Variants in VPS13B observed in about 807,000 individuals in gnomAD.
VPS13B encodes the protein vacuolar protein sorting 13 homolog B, also known as intermembrane lipid transfer protein VPS13B.
Under a neutral mutation model 426.4 loss-of-function variants are expected in VPS13B, and 285 were observed. That is an observed-to-expected ratio of 0.67 (90% CI 0.61 to 0.74). VPS13B has a LOEUF of 0.74. Ranked by LOEUF, VPS13B falls within the 30% of genes least tolerant of loss-of-function variation. The pLI, the probability that VPS13B is intolerant of heterozygous loss-of-function variation, is 0.00. For synonymous variants in VPS13B, 1,676 were observed against 1,676.4 expected (o/e 1.00, Z 0.01); for missense variants, 4,537 against 4,782.6 (o/e 0.95, Z 1.51).
intron 19 of VPS13B, among the ~76,000 whole-genome samples, chr8:99,286,272 C>T (rs1414078391): frequency 6.6e-6 from 1 of 152,120 alleles, no homozygotes; most frequent in Non-Finnish European, 1.5e-5. Flanking sequence ...TATTTCATTT[C>T]TGAATTGCTC....
intron 19 of VPS13B, among the ~76,000 whole-genome samples, chr8:99,276,443 A>G (rs185284043): frequency 6.6e-6 from 1 of 152,248 alleles, no homozygotes; most frequent in East Asian, 1.9e-4. Context: ...GATTTTACCA[A>G]TCTTTTAAGA....
At chr8:99,314,506 C>G (rs1490250729) in intron 19 of VPS13B, among the ~76,000 whole-genome samples, 1 of 152,192 alleles carries the variant, frequency 6.6e-6, no homozygotes, top group Non-Finnish European at 1.5e-5. Flanking sequence ...TTGTCTCATG[C>G]TGAGAGTAGG....
intron 39 of VPS13B, among the ~76,000 whole-genome samples, chr8:99,742,459 T>A (rs1809795345): frequency 6.6e-6 from 1 of 152,170 alleles, no homozygotes; most frequent in Non-Finnish European, 1.5e-5. Context: ...CAGAGGATCC[T>A]CCCTAACTCA....
intron 20 of VPS13B, among the ~76,000 whole-genome samples, chr8:99,385,442 C>T (rs1052315556): frequency 2.6e-5 from 4 of 152,082 alleles, no homozygotes; most frequent in Admixed American, 1.3e-4. Flanking sequence ...AAAAGTTTAA[C>T]AAAAAAGTAC....
intron 3 of VPS13B, among the ~76,000 whole-genome samples, chr8:99,066,649 A>C (rs1844535478): frequency 6.6e-6 from 1 of 152,244 alleles, no homozygotes; most frequent in South Asian, 2.1e-4. Context: ...AAAATAGAGA[A>C]ATGGGATCTA....
intron 17 of VPS13B, among the ~76,000 whole-genome samples, chr8:99,256,808 T>C (rs1184945805): frequency 6.6e-6 from 1 of 152,164 alleles, no homozygotes; most frequent in Non-Finnish European, 1.5e-5. Context: ...AGATAAGTGA[T>C]TTGCAGATAT....
intron 14 of VPS13B, among the ~76,000 whole-genome samples, chr8:99,149,331 T>C (rs1810926282): frequency 6.6e-6 from 1 of 152,230 alleles, no homozygotes; most frequent in South Asian, 2.1e-4. Flanking sequence ...GTTTGTTTGC[T>C]TTTTGAGACA....
At chr8:99,708,849 C>CTATATATA (rs1554916985) in intron 36 of VPS13B, among the ~76,000 whole-genome samples, 63 of 147,344 alleles carry the variant, frequency 4.3e-4, no homozygotes, top group African/African-American at 9.0e-4. Flanking sequence ...CTCTCTCTCT[C>CTATATATA]TATATATATA....
chr8:99,264,591 G>T (rs1234503943), intron 17 of VPS13B, among the ~76,000 whole-genome samples: 2 of 152,056 alleles, frequency 1.3e-5, no homozygotes, highest in Admixed American at 6.5e-5. Flanking sequence ...GAAGTTTGAT[G>T]CCATTCTAAT....
intron 39 of VPS13B, among the ~76,000 whole-genome samples, chr8:99,763,135 CA>C (rs750289763): frequency 0.02 from 733 of 35,766 alleles, no homozygotes; most frequent in Non-Finnish European, 0.027. Flanking sequence ...GACCTTGTCT[CA>C]AAAAAAAAAA....
At chr8:99,157,161 C>A (rs1256422330) in intron 15 of VPS13B, among the ~76,000 whole-genome samples, 1 of 151,914 alleles carries the variant, frequency 6.6e-6, no homozygotes, top group Non-Finnish European at 1.5e-5. Flanking sequence ...TTATTTAATT[C>A]ATGTCAATTT....
chr8:99,349,870 C>T (rs574986582), intron 19 of VPS13B, among the ~76,000 whole-genome samples: 1 of 151,742 alleles, frequency 6.6e-6, no homozygotes, highest in East Asian at 1.9e-4. Flanking sequence ...CACTTGTTTT[C>T]GGTGGAGTGG....
At chr8:99,241,845 T>A (rs187792997) in intron 17 of VPS13B, among the ~76,000 whole-genome samples, 36 of 152,316 alleles carry the variant, frequency 2.4e-4, no homozygotes, top group Admixed American at 1.4e-3. Context: ...AATGAGATAC[T>A]TTATGTCTGT....
intron 2 of VPS13B, among the ~76,000 whole-genome samples, chr8:99,027,250 TTTTA>T (rs1005768084): frequency 6.6e-6 from 1 of 152,182 alleles, no homozygotes; most frequent in African/African-American, 2.4e-5. Context: ...AATTTGGGGT[TTTTA>T]TTTGTTTACA....
intron 43 of VPS13B, among the ~76,000 whole-genome samples, chr8:99,792,503 G>A (rs531421834): frequency 9.3e-4 from 141 of 152,188 alleles, no homozygotes; most frequent in African/African-American, 3.1e-3. Flanking sequence ...AAGAGTGATC[G>A]GACCCTTTTG....
intron 19 of VPS13B, among the ~76,000 whole-genome samples, chr8:99,296,067 C>A (rs1163783536): frequency 6.6e-6 from 1 of 152,140 alleles, no homozygotes; most frequent in African/African-American, 2.4e-5. Context: ...CCTATAGTTT[C>A]TATTGACTGC....
intron 19 of VPS13B, among the ~76,000 whole-genome samples, chr8:99,334,939 G>T (rs1046972184): frequency 6.6e-6 from 1 of 152,096 alleles, no homozygotes; most frequent in Admixed American, 6.6e-5. Flanking sequence ...AATGGTACCA[G>T]CTCCTTCTTA....
chr8:99,824,354 G>A (rs1185508119), intron 51 of VPS13B, among the ~76,000 whole-genome samples: 2 of 152,198 alleles, frequency 1.3e-5, no homozygotes, highest in African/African-American at 2.4e-5. Flanking sequence ...CAGTGCCTGG[G>A]GGAGCCATGC....
rs968266103 is a variant in VPS13B, at chr8:99,234,265, A to G, written c.2516-39933A>G. 2.5e-5 allele frequency: 19 copies of G among 768,482 alleles called. 1 individual carries two copies. Among genetic ancestry groups the G allele is most frequent in the Non-Finnish European group, 4.4e-5 (18 of 410,342 alleles). 47.6% of individuals were successfully genotyped at this position (768,482 alleles called of 1,614,324 possible). ...CTTCTTCCCTTGTTGCATATGTGAC[A>G]TTGACAACAGCAGTTTCTGTGTCTG... On this transcript the variant is annotated intron_variant, in intron 17 of 61. Transcript: ENST00000357162.
Sources: gnomAD v4.1 joint callset for allele counts (sites outside exome capture counted in the v4.1 genomes callset) on GRCh38, gnomAD v4.1.1 for gene constraint, MANE v1.5 for transcripts, NCBI Gene and HGNC (gene_info 2026-07-23, HGNC 2026-07-21) for gene names.